The following GRM8 variants were observed in gnomAD, a reference collection of about 807,000 sequenced individuals.
GRM8 encodes glutamate metabotropic receptor 8, also known as metabotropic glutamate receptor 8.
GRM8 carries 47 observed loss-of-function variants against 87.2 expected under a neutral mutation model. The ratio of observed to expected loss-of-function variants is 0.54; its 90% confidence interval spans 0.43 to 0.69. GRM8 has a LOEUF of 0.69. GRM8 is among the 30% of genes least tolerant of loss of function. The pLI is 0.00. For missense variants in GRM8, 1,019 were observed against 1,139.2 expected (o/e 0.89, Z 1.52); for synonymous variants, 396 against 404.5 (o/e 0.98, Z 0.25).
At chr7:126,477,609 AAG>A (rs1806133713) in intron 9 of GRM8, among the ~76,000 whole-genome samples, 2 of 150,400 alleles carry the variant, frequency 1.3e-5, no homozygotes, top group Admixed American at 6.6e-5. Flanking sequence ...GAAAGAAAGA[AAG>A]AAAGAAAGAA....
chr7:126,555,987 TG>T (rs1562952230), intron 8 of GRM8, among the ~76,000 whole-genome samples: 1 of 152,122 alleles, frequency 6.6e-6, no homozygotes, highest in Non-Finnish European at 1.5e-5. Flanking sequence ...AACATCCAGT[TG>T]AAATGTGAAC....
chr7:126,933,583 C>T (rs1386817579), intron 3 of GRM8, among the ~76,000 whole-genome samples: 1 of 152,170 alleles, frequency 6.6e-6, no homozygotes, highest in Non-Finnish European at 1.5e-5. Context: ...TCTGGACATA[C>T]CGGCTGATAA....
At chr7:127,214,937 T>C (rs1464712793) in intron 2 of GRM8, among the ~76,000 whole-genome samples, 2 of 152,254 alleles carry the variant, frequency 1.3e-5, no homozygotes, top group East Asian at 1.9e-4. Flanking sequence ...ATCCATCTTT[T>C]ATTTCTAGAA....
chr7:127,117,761 C>T (rs986566291), intron 2 of GRM8, among the ~76,000 whole-genome samples: 5 of 152,202 alleles, frequency 3.3e-5, no homozygotes, highest in Non-Finnish European at 7.3e-5. Flanking sequence ...TTTAATTTTC[C>T]TCTTCTGCTG....
intron 7 of GRM8, among the ~76,000 whole-genome samples, chr7:126,758,262 G>A (rs765203256): frequency 2.0e-5 from 3 of 152,248 alleles, no homozygotes; most frequent in East Asian, 1.9e-4. Context: ...GCCAGGCATC[G>A]TGTTAAGTTC....
At chr7:126,815,249 C>T (rs1793676203) in intron 6 of GRM8, among the ~76,000 whole-genome samples, 2 of 151,950 alleles carry the variant, frequency 1.3e-5, no homozygotes, top group African/African-American at 4.8e-5. Flanking sequence ...ACACAGAGGC[C>T]CTGATTCTAT....
At chr7:126,736,193 TGCTAAACCA>T (rs1260980660) in intron 7 of GRM8, among the ~76,000 whole-genome samples, 1 of 152,032 alleles carries the variant, frequency 6.6e-6, no homozygotes, top group African/African-American at 2.4e-5. Context: ...GAATGTGCCA[TGCTAAACCA>T]GAAATATAAC....
At chr7:127,212,303 A>C (rs1334000615) in intron 2 of GRM8, among the ~76,000 whole-genome samples, 1 of 152,124 alleles carries the variant, frequency 6.6e-6, no homozygotes, top group African/African-American at 2.4e-5. Flanking sequence ...ACAGACATAG[A>C]ATTTCGCAGG....
intron 3 of GRM8, chr7:127,105,278 G>T (rs1375870298): frequency 6.6e-6 from 1 of 152,168 alleles, no homozygotes; most frequent in Non-Finnish European, 1.5e-5. Context: ...CAAAGATTAT[G>T]GCATAATGCA....
intron 9 of GRM8, among the ~76,000 whole-genome samples, chr7:126,448,064 T>C (rs114028873): frequency 8.3e-4 from 127 of 152,102 alleles, no homozygotes; most frequent in African/African-American, 2.9e-3. Context: ...TGGTTAATCT[T>C]TTTTGAATTC....
At chr7:127,036,451 T>A (rs1302130747) in intron 3 of GRM8, among the ~76,000 whole-genome samples, 1 of 152,200 alleles carries the variant, frequency 6.6e-6, no homozygotes, top group Non-Finnish European at 1.5e-5. Context: ...CCAATCTGTA[T>A]CCTCAACTAG....
intron 7 of GRM8, among the ~76,000 whole-genome samples, chr7:126,632,129 C>T (rs1177237131): frequency 1.3e-5 from 2 of 152,080 alleles, no homozygotes; most frequent in African/African-American, 4.8e-5. Context: ...TGCAATCTAT[C>T]CATCTGACAA....
rs190457963 is a variant in GRM8, at chr7:126,749,938, C to T, written c.1357+19927G>A. The stretch of plus-strand genomic sequence containing the variant: ...TTTAGAAAACAGTTTGTCAGTCTCT[C>T]GTACAGTTAAATGTCTTCTTACCAT... On this transcript the variant is annotated intron_variant, in intron 7 of 10. Transcript: ENST00000339582. Among the ~76,000 whole-genome samples the T allele has an allele frequency of 7.9e-5, 12 of 152,230 alleles. No individual in the cohort carries two copies. In the East Asian group the frequency reaches 1.7e-3, roughly 22 times the overall value.
At chr7:126,905,465 C>A (rs1802583962) in intron 3 of GRM8, among the ~76,000 whole-genome samples, 1 of 152,148 alleles carries the variant, frequency 6.6e-6, no homozygotes. Flanking sequence ...AGATAACATT[C>A]TGAAACTAGA....
chr7:127,142,258 G>A (rs2299540), intron 2 of GRM8, among the ~76,000 whole-genome samples: 102,315 of 151,984 alleles, frequency 0.67, 36,318 homozygotes, highest in African/African-American at 0.88. Context: ...GATTACAAGC[G>A]TAAGCCACCA....
chr7:126,444,949 C>T (rs1024663059), intron 10 of GRM8, among the ~76,000 whole-genome samples: 3 of 151,576 alleles, frequency 2.0e-5, no homozygotes, highest in Non-Finnish European at 4.4e-5. Context: ...AGTTAGAGAC[C>T]AGCCTGGGCA....
intron 9 of GRM8, among the ~76,000 whole-genome samples, chr7:126,464,363 T>G (rs1265812574): frequency 6.6e-6 from 1 of 151,518 alleles, no homozygotes; most frequent in Non-Finnish European, 1.5e-5. Context: ...GTGTTTCTTG[T>G]GGGCAACAGA....
At chr7:126,950,233 G>C (rs1807985509) in intron 3 of GRM8, among the ~76,000 whole-genome samples, 1 of 152,138 alleles carries the variant, frequency 6.6e-6, no homozygotes, top group South Asian at 2.1e-4. Flanking sequence ...CAGACCTTAG[G>C]TTGAAATAGC....
At position 126,874,405 on chromosome 7, in the gene GRM8, C is replaced by G. The variant is rs150637530; in HGVS notation, c.1156+28137G>C. Among the ~76,000 whole-genome samples the G allele has an allele frequency of 8.5e-5, 13 of 152,190 alleles. No individual in the cohort carries two copies. The East Asian group carries it at 2.3e-3, about 27-fold the overall frequency. On this transcript the variant is annotated intron_variant, in intron 6 of 10. Transcript: ENST00000339582. ...ACAAACGAAGAGGCTCAGATCCTGA[C>G]AGAAACTGTGACTTGTTCCAGATCA...
Sources: allele counts gnomAD v4.1 joint callset (sites outside exome capture counted in the v4.1 genomes callset), GRCh38; gene constraint gnomAD v4.1.1; transcripts MANE v1.5; gene names NCBI Gene and HGNC (gene_info 2026-07-23, HGNC 2026-07-21).